Variants in CSRNP3 observed in about 807,000 individuals in gnomAD.
CSRNP3 encodes cysteine and serine rich nuclear protein 3, also known as cysteine/serine-rich nuclear protein 3.
CSRNP3 carries 12 observed loss-of-function variants against 48.0 expected under a neutral mutation model. That is an observed-to-expected ratio of 0.25 (90% confidence interval 0.16 to 0.41). The LOEUF is 0.41. Ranked by LOEUF, CSRNP3 falls within the 10% of genes least tolerant of loss-of-function variation. The pLI is 1.00. For synonymous variants in CSRNP3, 263 were observed against 269.7 expected, an observed-to-expected ratio of 0.98 and a Z score of 0.24; for missense variants, 580 against 724.4, an observed-to-expected ratio of 0.80 and a Z score of 2.29.
chr2:165,503,634 C>A (rs1328714716), intron 2 of CSRNP3, among the ~76,000 whole-genome samples: 1 of 151,906 alleles, frequency 6.6e-6, no homozygotes, highest in Non-Finnish European at 1.5e-5. Flanking sequence ...ATTGGAATTA[C>A]ATTAAATATG....
chr2:165,581,601 A>C (rs1210102767), intron 3 of CSRNP3, among the ~76,000 whole-genome samples: 1 of 132,292 alleles, frequency 7.6e-6, no homozygotes, highest in Non-Finnish European at 1.5e-5. Flanking sequence ...CAGTGGCGCT[A>C]TCTCAGCTCA....
At chr2:165,532,640 A>T (rs1423792436) in intron 3 of CSRNP3, among the ~76,000 whole-genome samples, 4 of 151,760 alleles carry the variant, frequency 2.6e-5, no homozygotes, top group Non-Finnish European at 5.9e-5. Context: ...TTCCCTTTGA[A>T]AACTGGCACA....
chr2:165,503,299 C>T (rs961615214), intron 2 of CSRNP3, among the ~76,000 whole-genome samples: 1 of 151,664 alleles, frequency 6.6e-6, no homozygotes, highest in African/African-American at 2.4e-5. Flanking sequence ...TCCTGTTTTC[C>T]TAAAATCATA....
chr2:165,567,284 T>C (rs1043938820), intron 3 of CSRNP3, among the ~76,000 whole-genome samples: 1 of 152,140 alleles, frequency 6.6e-6, no homozygotes, highest in Admixed American at 6.6e-5. Context: ...TTGTGTTCTC[T>C]GAGAGAAGGT....
At chr2:165,672,629 A>G (rs1687349983) in intron 5 of CSRNP3, among the ~76,000 whole-genome samples, 1 of 152,184 alleles carries the variant, frequency 6.6e-6, no homozygotes, top group South Asian at 2.1e-4. Context: ...TCATGGAGGA[A>G]AGGAGTCAGC....
intron 4 of CSRNP3, among the ~76,000 whole-genome samples, chr2:165,630,403 GT>G (rs962415126): frequency 6.6e-6 from 1 of 151,986 alleles, no homozygotes; most frequent in African/African-American, 2.4e-5. Context: ...TTCCTGTGGT[GT>G]TACCCATTTA....
At chr2:165,581,677 C>T (rs1455872297) in intron 3 of CSRNP3, among the ~76,000 whole-genome samples, 4 of 151,936 alleles carry the variant, frequency 2.6e-5, no homozygotes, top group Admixed American at 6.6e-5. Flanking sequence ...GCTGGGATTA[C>T]AAGAATGCAT....
intron 1 of CSRNP3, among the ~76,000 whole-genome samples, chr2:165,482,265 C>CTTT (rs5836042): frequency 3.5e-5 from 5 of 143,270 alleles, no homozygotes; most frequent in Non-Finnish European, 3.0e-5. Context: ...AAGAGATGTG[C>CTTT]TTTTTTTTTT....
chr2:165,563,324 C>G (rs1482378532), intron 3 of CSRNP3, among the ~76,000 whole-genome samples: 2 of 152,138 alleles, frequency 1.3e-5, no homozygotes, highest in African/African-American at 4.8e-5. Flanking sequence ...TCTTGGGCAA[C>G]CCAGTGGCCA....
chr2:165,484,074 T>A (rs16850755), intron 1 of CSRNP3, among the ~76,000 whole-genome samples: 29,396 of 152,024 alleles, frequency 0.19, 3,542 homozygotes, highest in East Asian at 0.34. Flanking sequence ...ACGGAATCAG[T>A]AATAATGCAA....
At chr2:165,479,287 AT>A (rs1283742850) in intron 1 of CSRNP3, among the ~76,000 whole-genome samples, 2 of 152,196 alleles carry the variant, frequency 1.3e-5, no homozygotes, top group Non-Finnish European at 2.9e-5. Context: ...AATTCTAAGT[AT>A]TCAAAAACAA....
chr2:165,659,087 A>G (rs559491892), intron 5 of CSRNP3, among the ~76,000 whole-genome samples: 20 of 152,178 alleles, frequency 1.3e-4, no homozygotes, highest in Non-Finnish European at 2.4e-4. Context: ...AGTCGTCAAG[A>G]GTTTTAAGCT....
chr2:165,480,148 C>T (rs549015674), intron 1 of CSRNP3, among the ~76,000 whole-genome samples: 1 of 152,196 alleles, frequency 6.6e-6, no homozygotes, highest in African/African-American at 2.4e-5. Flanking sequence ...GTGACCCTTT[C>T]CTACTTCACG....
chr2:165,545,355 G>C (rs1248373160), intron 3 of CSRNP3, among the ~76,000 whole-genome samples: 2 of 152,150 alleles, frequency 1.3e-5, no homozygotes, highest in Admixed American at 1.3e-4. Flanking sequence ...AGCATGCCTA[G>C]GTTGAGAATA....
At chr2:165,649,566 A>T (rs1686871635) in intron 4 of CSRNP3, among the ~76,000 whole-genome samples, 1 of 152,128 alleles carries the variant, frequency 6.6e-6, no homozygotes, top group Non-Finnish European at 1.5e-5. Context: ...AGAAATAGAG[A>T]AGAGTGGTAT....
intron 3 of CSRNP3, among the ~76,000 whole-genome samples, chr2:165,562,614 A>G (rs574863277): frequency 1.5e-3 from 229 of 152,202 alleles, no homozygotes; most frequent in Non-Finnish European, 2.4e-3. Context: ...TTCTAAAGAT[A>G]GCTGTCTCAA....
At chr2:165,571,256 T>G (rs1011007616) in intron 3 of CSRNP3, among the ~76,000 whole-genome samples, 2 of 151,994 alleles carry the variant, frequency 1.3e-5, no homozygotes, top group East Asian at 3.9e-4. Flanking sequence ...GTGTTCTTTG[T>G]TGCACTTCGC....
intron 3 of CSRNP3, among the ~76,000 whole-genome samples, chr2:165,576,059 A>T (rs1480292329): frequency 1.3e-5 from 2 of 150,646 alleles, no homozygotes; most frequent in East Asian, 3.9e-4. Flanking sequence ...CTATATATAG[A>T]TATATAATTG....
intron 4 of CSRNP3, among the ~76,000 whole-genome samples, chr2:165,601,939 A>G (rs1685922425): frequency 6.6e-6 from 1 of 152,244 alleles, no homozygotes; most frequent in African/African-American, 2.4e-5. Context: ...CAAACATGGT[A>G]TCTTATGTTA....
Sources: gnomAD v4.1 joint callset for allele counts (sites outside exome capture counted in the v4.1 genomes callset) on GRCh38, gnomAD v4.1.1 for gene constraint, MANE v1.5 for transcripts, NCBI Gene and HGNC (gene_info 2026-07-23, HGNC 2026-07-21) for gene names.